Variants in FIGN observed in about 807,000 individuals in gnomAD.
The protein encoded by FIGN is fidgetin.
Under a neutral mutation model 51.3 loss-of-function variants are expected in FIGN, and 11 were observed. That is an observed-to-expected ratio of 0.21 (90% CI 0.13 to 0.35). FIGN has a LOEUF of 0.35. FIGN is among the 10% of genes least tolerant of loss of function. FIGN has a pLI of 1.00. For missense variants in FIGN, 857 were observed against 943.6 expected (o/e 0.91, Z 1.20); for synonymous variants, 407 against 363.2 (o/e 1.12, Z -1.37).
intron 2 of FIGN, among the ~76,000 whole-genome samples, chr2:163,668,085 G>T (rs1293149146): frequency 6.8e-6 from 1 of 147,062 alleles, no homozygotes; most frequent in Non-Finnish European, 1.5e-5. Context: ...GAGCTACCTG[G>T]ATACTTAAAT....
chr2:163,701,067 GA>G (rs1201091724), intron 2 of FIGN, among the ~76,000 whole-genome samples: 1 of 151,886 alleles, frequency 6.6e-6, no homozygotes, highest in Non-Finnish European at 1.5e-5. Flanking sequence ...GCATTTAAGG[GA>G]AAAAAATTTG....
chr2:163,656,344 G>A (rs949410399), intron 2 of FIGN, among the ~76,000 whole-genome samples: 1 of 152,102 alleles, frequency 6.6e-6, no homozygotes, highest in Non-Finnish European at 1.5e-5. Context: ...ACTCTAAATT[G>A]AGTGAGATTA....
At position 163,604,969 on chromosome 2, in the gene FIGN, A is replaced by G. The variant is rs1691059574; in HGVS notation, c.*4583T>C. The G allele has an allele frequency of 9.7e-6, 1 of 103,144 alleles. No homozygotes were observed. The highest frequency in any genetic ancestry group is 2.0e-5 in the Non-Finnish European group (1 of 50,892). The allele number at this position is 103,144 out of a possible 1,614,324, so 6.4% of individuals were successfully genotyped here. The stretch of plus-strand genomic sequence containing the variant: ...TTTTTTTTTTTTGTATCATAAGACA[A>G]CAAGAAGGAATGAATGTGCTCCCAA... On this transcript the variant is annotated 3_prime_UTR_variant, in exon 3 of 3. Coordinates refer to ENST00000333129, the MANE Select transcript of FIGN (RefSeq NM_018086.4).
intron 2 of FIGN, among the ~76,000 whole-genome samples, chr2:163,627,605 C>G (rs1452627660): frequency 6.6e-6 from 1 of 152,098 alleles, no homozygotes; most frequent in Non-Finnish European, 1.5e-5. Flanking sequence ...ACTCAAGTTT[C>G]TTCTCAAAAT....
At chr2:163,700,426 T>C (rs1684390855) in intron 2 of FIGN, among the ~76,000 whole-genome samples, 1 of 152,052 alleles carries the variant, frequency 6.6e-6, no homozygotes, top group Admixed American at 6.6e-5. Context: ...AAATATAGTT[T>C]CATAGGATAA....
At chr2:163,650,168 T>C (rs1320631087) in intron 2 of FIGN, among the ~76,000 whole-genome samples, 2 of 152,154 alleles carry the variant, frequency 1.3e-5, no homozygotes, top group Non-Finnish European at 2.9e-5. Context: ...AGATGCAGTA[T>C]TTCCTAACCT....
chr2:163,709,775 T>G (rs1055774269), intron 2 of FIGN, among the ~76,000 whole-genome samples: 40 of 152,172 alleles, frequency 2.6e-4, no homozygotes, highest in African/African-American at 8.4e-4. Flanking sequence ...TTTCTTTTCA[T>G]ATTTATGAGA....
intron 2 of FIGN, among the ~76,000 whole-genome samples, chr2:163,668,222 A>G (rs1004958287): frequency 6.6e-6 from 1 of 152,140 alleles, no homozygotes; most frequent in Non-Finnish European, 1.5e-5. Context: ...ATTTAAAGAC[A>G]CCATGGGGCT....
At chr2:163,629,753 C>A (rs1683115082) in intron 2 of FIGN, among the ~76,000 whole-genome samples, 1 of 151,954 alleles carries the variant, frequency 6.6e-6, no homozygotes, top group African/African-American at 2.4e-5. Flanking sequence ...TATTTACCGT[C>A]TATCCCTTGC....
chr2:163,734,623 T>TTA (rs201126803), intron 2 of FIGN, among the ~76,000 whole-genome samples: 6 of 148,516 alleles, frequency 4.0e-5, no homozygotes, highest in Middle Eastern at 3.3e-3. Context: ...ACTTCAGCAG[T>TTA]TATATATATA....
chr2:163,644,292 A>G (rs1683350512), intron 2 of FIGN, among the ~76,000 whole-genome samples: 1 of 152,196 alleles, frequency 6.6e-6, no homozygotes, highest in Non-Finnish European at 1.5e-5. Context: ...ACATTTCTCC[A>G]AGGAAGACAT....
intron 2 of FIGN, among the ~76,000 whole-genome samples, chr2:163,733,007 A>G (rs1404149051): frequency 6.6e-6 from 1 of 152,232 alleles, no homozygotes; most frequent in Non-Finnish European, 1.5e-5. Flanking sequence ...ATTTGAGACA[A>G]ACAAAATCTA....
rs1684677808 is a variant in FIGN, at chr2:163,717,034, T to C, written c.25+17869A>G. Among the ~76,000 whole-genome samples the C allele has an allele frequency of 3.9e-5, 6 of 152,116 alleles. No individual in the cohort carries two copies. The South Asian group carries it at 1.2e-3, about 31-fold the overall frequency. On this transcript the variant is annotated intron_variant, in intron 2 of 2. Transcript: ENST00000333129. ...CCACTTGCCTTCTCCAAACACCCCT[T>C]AGAACTATGTAATAATGTAGCTACC...
chr2:163,731,186 A>G (rs188390113), intron 2 of FIGN, among the ~76,000 whole-genome samples: 30 of 152,316 alleles, frequency 2.0e-4, no homozygotes, highest in Non-Finnish European at 7.4e-5. Context: ...AAAACAGTGC[A>G]GACTCTCAAA....
At chr2:163,645,444 T>C (rs1180535503) in intron 2 of FIGN, among the ~76,000 whole-genome samples, 2 of 152,160 alleles carry the variant, frequency 1.3e-5, no homozygotes, top group African/African-American at 2.4e-5. Context: ...TGCCCAGATA[T>C]GCCAAACAAA....
At chr2:163,661,473 T>G (rs907964120) in intron 2 of FIGN, among the ~76,000 whole-genome samples, 1 of 151,884 alleles carries the variant, frequency 6.6e-6, no homozygotes, top group Non-Finnish European at 1.5e-5. Flanking sequence ...CTCTGCTCAC[T>G]GCAACCACTG....
At chr2:163,729,670 A>G (rs1346018062) in intron 2 of FIGN, among the ~76,000 whole-genome samples, 1 of 152,214 alleles carries the variant, frequency 6.6e-6, no homozygotes, top group African/African-American at 2.4e-5. Flanking sequence ...ATAATAAATC[A>G]TGCATTCTAC....
At chr2:163,628,976 A>C (rs572568377) in intron 2 of FIGN, among the ~76,000 whole-genome samples, 2 of 152,206 alleles carry the variant, frequency 1.3e-5, no homozygotes, top group Admixed American at 6.6e-5. Context: ...CTCCTTGGAG[A>C]ACTACTGGAA....
At chr2:163,644,954 T>A (rs1291914557) in intron 2 of FIGN, among the ~76,000 whole-genome samples, 2 of 152,170 alleles carry the variant, frequency 1.3e-5, no homozygotes, top group Admixed American at 1.3e-4. Flanking sequence ...AGATCAGAGC[T>A]AAAGGGTACA....
Sources: allele counts gnomAD v4.1 joint callset (sites outside exome capture counted in the v4.1 genomes callset), GRCh38; gene constraint gnomAD v4.1.1; transcripts MANE v1.5; gene names NCBI Gene and HGNC (gene_info 2026-07-23, HGNC 2026-07-21).